AUTS2: variants seen among roughly 807,000 people sequenced by gnomAD.
AUTS2 encodes autism susceptibility gene 2 protein.
AUTS2 carries 17 observed loss-of-function variants against 112.4 expected under a neutral mutation model. That is an observed-to-expected ratio of 0.15 (90% confidence interval 0.10 to 0.23). The LOEUF (loss-of-function observed/expected upper bound fraction) is 0.23. AUTS2 is among the 10% of genes least tolerant of loss of function. The pLI is 1.00. For synonymous variants in AUTS2, 751 were observed against 702.7 expected, an observed-to-expected ratio of 1.07 and a Z score of -1.09; for missense variants, 1,510 against 1,701.6, an observed-to-expected ratio of 0.89 and a Z score of 1.98.
chr7:70,578,308 T>C (rs1802268056), intron 5 of AUTS2, among the ~76,000 whole-genome samples: 1 of 152,230 alleles, frequency 6.6e-6, no homozygotes, highest in Non-Finnish European at 1.5e-5. Context: ...CCTGGAGGCT[T>C]GTATTGAAGA....
At position 70,459,432 on chromosome 7, in the gene AUTS2, A is replaced by T. The variant is rs1000915724; in HGVS notation, c.690+23651A>T. The stretch of plus-strand genomic sequence containing the variant: ...TGTTTCTCTCCAAAGTTCCTAGCCC[A>T]TTAGTGAACTGTCATACACTTCAAG... On this transcript the variant is annotated intron_variant, in intron 5 of 18. Coordinates refer to ENST00000342771, the MANE Select transcript of AUTS2 (RefSeq NM_015570.4). 2.6e-5 allele frequency among the ~76,000 whole-genome samples: 4 copies of T among 152,166 alleles called. No homozygotes were observed. The South Asian group carries it at 8.3e-4, about 32-fold the overall frequency.
intron 4 of AUTS2, among the ~76,000 whole-genome samples, chr7:70,286,388 T>A (rs1788459316): frequency 6.6e-6 from 1 of 152,218 alleles, no homozygotes; most frequent in Admixed American, 6.5e-5. Context: ...GTCCTGCGTG[T>A]GTACCACCAT....
intron 1 of AUTS2, among the ~76,000 whole-genome samples, chr7:69,849,099 C>T (rs1792344032): frequency 6.6e-6 from 1 of 152,104 alleles, no homozygotes; most frequent in Non-Finnish European, 1.5e-5. Context: ...AGAGCATCCC[C>T]TGAGTTCAGG....
rs374162600 is a variant in AUTS2, at chr7:70,586,588, C to T, written c.691-111981C>T. 5.9e-5 allele frequency among the ~76,000 whole-genome samples: 9 copies of T among 152,300 alleles called. No individual in the cohort carries two copies. The East Asian group carries it at 1.5e-3, about 26-fold the overall frequency. The stretch of plus-strand genomic sequence containing the variant: ...CGTTGCATTGTACTCTGGGATAGCA[C>T]TGGTAGACAGGCACTCCAGAAAGCA... On this transcript the variant is annotated intron_variant, in intron 5 of 18. Transcript: ENST00000342771.
chr7:69,911,038 A>G (rs1042300640), intron 2 of AUTS2, among the ~76,000 whole-genome samples: 2 of 152,204 alleles, frequency 1.3e-5, no homozygotes, highest in African/African-American at 4.8e-5. Context: ...TCTTCCCATG[A>G]CATGTGGGAA....
intron 4 of AUTS2, among the ~76,000 whole-genome samples, chr7:70,220,241 A>AT (rs931544697): frequency 6.6e-6 from 1 of 152,134 alleles, no homozygotes; most frequent in African/African-American, 2.4e-5. Flanking sequence ...TAATTCTTTG[A>AT]TTTTTTTCAA....
chr7:69,809,224 G>T (rs371948256), intron 1 of AUTS2, among the ~76,000 whole-genome samples: 1 of 151,956 alleles, frequency 6.6e-6, no homozygotes, highest in Admixed American at 6.6e-5. Flanking sequence ...GCAGGCACCC[G>T]CCACCACGCC....
chr7:69,632,504 C>T (rs1027764332), intron 1 of AUTS2, among the ~76,000 whole-genome samples: 30 of 150,696 alleles, frequency 2.0e-4, no homozygotes, highest in Non-Finnish European at 3.8e-4. Context: ...CTTTCTCCTT[C>T]CCCATCCCTC....
chr7:70,675,218 C>T (rs973247142), intron 5 of AUTS2, among the ~76,000 whole-genome samples: 6 of 152,276 alleles, frequency 3.9e-5, no homozygotes, highest in South Asian at 2.1e-4. Context: ...GGTGACCAGG[C>T]GCAGTGGCTC....
At chr7:70,506,489 AC>A (rs1346636873) in intron 5 of AUTS2, among the ~76,000 whole-genome samples, 1 of 152,222 alleles carries the variant, frequency 6.6e-6, no homozygotes. Flanking sequence ...TGTAGTTCAA[AC>A]CATCTGCCTA....
rs373297235 is a variant in AUTS2 at position 69,664,066 on chromosome 7, C to A, written c.309+64104C>A. Reference sequence around the variant, plus strand: ...GAAAGGGCAGTATAATCTCACACTGCAGTTGTGGTTCCGGACTCAGTCTGT... The same window carrying A: ...GAAAGGGCAGTATAATCTCACACTGAAGTTGTGGTTCCGGACTCAGTCTGT... On this transcript the variant is annotated intron_variant, in intron 1 of 18. Coordinates refer to ENST00000342771, the MANE Select transcript of AUTS2 (RefSeq NM_015570.4). 7.2e-5 allele frequency among the ~76,000 whole-genome samples: 11 copies of A among 152,296 alleles called. 1 individual carries two copies. In the East Asian group the frequency reaches 1.2e-3, roughly 16 times the overall value.
intron 5 of AUTS2, among the ~76,000 whole-genome samples, chr7:70,567,435 C>T (rs1415881798): frequency 1.3e-5 from 2 of 152,196 alleles, no homozygotes; most frequent in East Asian, 1.9e-4. Flanking sequence ...TTCTGCCACT[C>T]TCTGGCTCTT....
intron 1 of AUTS2, among the ~76,000 whole-genome samples, chr7:69,784,106 T>C (rs1789261804): frequency 1.3e-5 from 2 of 152,096 alleles, no homozygotes; most frequent in African/African-American, 4.8e-5. Context: ...CACCGAACGT[T>C]GTCTACACAG....
intron 2 of AUTS2, among the ~76,000 whole-genome samples, chr7:69,988,311 C>T (rs1215014330): frequency 1.3e-5 from 2 of 152,134 alleles, no homozygotes; most frequent in Non-Finnish European, 2.9e-5. Context: ...TTGAGTCTAT[C>T]AAGAGTGTGT....
At chr7:70,110,582 T>C (rs752904766) in intron 2 of AUTS2, among the ~76,000 whole-genome samples, 2 of 152,100 alleles carry the variant, frequency 1.3e-5, no homozygotes, top group Non-Finnish European at 2.9e-5. Flanking sequence ...TGCTATGAAG[T>C]CCACTGAACC....
At chr7:70,442,896 C>G (rs1333308166) in intron 5 of AUTS2, among the ~76,000 whole-genome samples, 1 of 152,122 alleles carries the variant, frequency 6.6e-6, no homozygotes. Flanking sequence ...ATTGTTCTTC[C>G]AAAATCATCA....
intron 4 of AUTS2, among the ~76,000 whole-genome samples, chr7:70,359,752 G>C (rs998180255): frequency 1.3e-5 from 2 of 152,118 alleles, no homozygotes; most frequent in African/African-American, 2.4e-5. Context: ...AAATTTCCAC[G>C]TGAGTTTTGG....
intron 3 of AUTS2, among the ~76,000 whole-genome samples, chr7:70,129,901 T>TTG (rs34163076): frequency 0.031 from 4,625 of 147,374 alleles, 83 homozygotes; most frequent in Non-Finnish European, 0.039. Context: ...TATATATATA[T>TTG]TGTGTGTGTG....
At chr7:70,481,995 G>T (rs1797806294) in intron 5 of AUTS2, among the ~76,000 whole-genome samples, 1 of 152,184 alleles carries the variant, frequency 6.6e-6, no homozygotes, top group Admixed American at 6.5e-5. Flanking sequence ...GCTCCTGGGA[G>T]ACATACCTTC....
Sources: gnomAD v4.1 joint callset for allele counts (sites outside exome capture counted in the v4.1 genomes callset) on GRCh38, gnomAD v4.1.1 for gene constraint, MANE v1.5 for transcripts, NCBI Gene and HGNC (gene_info 2026-07-23, HGNC 2026-07-21) for gene names.